The following MLYCD variants were observed in gnomAD, a reference collection of about 807,000 sequenced individuals.
MLYCD encodes malonyl-CoA decarboxylase, also known as malonyl-CoA decarboxylase, mitochondrial.
Under a neutral mutation model 35.8 loss-of-function variants are expected in MLYCD, and 27 were observed. The observed-to-expected ratio is 0.75, with a 90% CI of 0.56 to 1.04. The LOEUF is 1.04. Among genes scored for constraint, MLYCD ranks in the 50% least tolerant of loss-of-function variants. MLYCD has a pLI of 0.00. For missense variants in MLYCD, 917 were observed against 665.1 expected (o/e 1.38, Z -4.17); for synonymous variants, 403 against 302.4 (o/e 1.33, Z -3.45).
intron 1 of MLYCD, among the ~76,000 whole-genome samples, chr16:83,903,403 C>T (rs929183560): frequency 6.6e-6 from 1 of 152,186 alleles, no homozygotes; most frequent in Non-Finnish European, 1.5e-5. Flanking sequence ...TGTACACCTG[C>T]GGAGTGTCAG....
rs1907650680 is a variant in MLYCD, at chr16:83,921,430, GGA to G, written c.*5942_*5943del. ...ATGGAAGGAAGGAGGATGGATGGATGGATGGGTGGGTGGGTGGGTGGATGGAT... is the reference window on the plus strand; with the variant it reads ...ATGGAAGGAAGGAGGATGGATGGATGTGGGTGGGTGGGTGGGTGGATGGAT... On this transcript the variant is annotated 3_prime_UTR_variant, in exon 5 of 5. Coordinates refer to ENST00000262430, the MANE Select transcript of MLYCD (RefSeq NM_012213.3). 1 of 140,154 alleles carries G rather than the reference GGA, an allele frequency of 7.1e-6. No individual in the cohort carries two copies. Among genetic ancestry groups the G allele is most frequent in the Non-Finnish European group, 1.6e-5 (1 of 63,958 alleles). 8.7% of individuals were successfully genotyped at this position (140,154 alleles called of 1,614,324 possible). A position where few individuals can be genotyped will look rare whatever the true frequency, so the allele number is the denominator to read the frequency against.
rs12935377 is a variant in MLYCD at position 83,916,869 on chromosome 16, G to C, written c.*1380G>C. ...AGTGCACGTCTGTGTGCGTGTGCCC[G>C]AGCGTCTCTGTGTGGATCAGTGCAC... On this transcript the variant is annotated 3_prime_UTR_variant, in exon 5 of 5. Transcript: ENST00000262430. The C allele has an allele frequency of 1.8e-5, 2 of 110,702 alleles. No individual in the cohort carries two copies. Among genetic ancestry groups the C allele is most frequent in the African/African-American group, 6.7e-5 (2 of 30,062 alleles). 6.9% of individuals were successfully genotyped at this position (110,702 alleles called of 1,614,324 possible). A position where few individuals can be genotyped will look rare whatever the true frequency, so the allele number is the denominator to read the frequency against.
At position 83,915,138 on chromosome 16, in the gene MLYCD, C is replaced by G; in HGVS notation, c.1131C>G (p.Leu377=). 6.2e-7 allele frequency: 1 copy of G among 1,614,220 alleles called. No homozygotes were observed. Among genetic ancestry groups the G allele is most frequent in the African/African-American group, 1.3e-5 (1 of 75,076 alleles). The change falls in exon 5 of 5, where the codon CTC becomes CTG. Residue 377 remains leucine (L), a synonymous_variant. Transcript: ENST00000262430. ...TGGPINETLK[L]LLSSSEWVQS... is the part of the protein sequence containing the mutation. ...GCCCCATTAACGAGACCCTCAAGCT[C>G]CTCCTCAGCAGCAGCGAGTGGGTGC...
intron 1 of MLYCD, among the ~76,000 whole-genome samples, chr16:83,904,951 C>G (rs925946469): frequency 3.3e-5 from 5 of 152,218 alleles, no homozygotes; most frequent in African/African-American, 1.2e-4. Flanking sequence ...AATTTGTGGC[C>G]TCTTTCGTGC....
At chr16:83,910,465 G>A (rs557442194) in intron 3 of MLYCD, among the ~76,000 whole-genome samples, 2 of 151,980 alleles carry the variant, frequency 1.3e-5, no homozygotes, top group East Asian at 1.9e-4. Flanking sequence ...GGAGGCAGCC[G>A]GATCACCTGA....
At chr16:83,902,356 T>G (rs1277044964) in intron 1 of MLYCD, among the ~76,000 whole-genome samples, 1 of 151,224 alleles carries the variant, frequency 6.6e-6, no homozygotes, top group Non-Finnish European at 1.5e-5. Flanking sequence ...AGCCCAGATG[T>G]AATTTTTTTA....
chr16:83,912,089 C>A, intron 3 of MLYCD, 129 bp from the exon 4 acceptor site: 1 of 1,348,946 alleles, frequency 7.4e-7, no homozygotes, highest in South Asian at 1.2e-5. Context: ...TGAACCCCAG[C>A]TGGGGAGCCG....
chr16:83,920,376 G>GT lies in MLYCD; in HGVS notation c.*4889dup, dbSNP rs1907611193. On this transcript the variant is annotated 3_prime_UTR_variant, in exon 5 of 5. Coordinates refer to ENST00000262430, the MANE Select transcript of MLYCD (RefSeq NM_012213.3). ...AGGCTGAGGTCGCTGCCTGTGAACA[G>GT]TTGACAGACCTAAAGCCAGCCAGAA... 1 of 152,228 alleles carries GT rather than the reference G, an allele frequency of 6.6e-6. No individual in the cohort carries two copies. The highest frequency in any genetic ancestry group is 1.5e-5 in the Non-Finnish European group (1 of 68,048). 9.4% of individuals were successfully genotyped at this position (152,228 alleles called of 1,614,324 possible).
chr16:83,904,567 A>G (rs760037329), intron 1 of MLYCD, among the ~76,000 whole-genome samples: 1 of 152,150 alleles, frequency 6.6e-6, no homozygotes, highest in Non-Finnish European at 1.5e-5. Flanking sequence ...TTCATTTGAT[A>G]TCAATCTATT....
At chr16:83,908,640 C>T (rs1166025858) in intron 3 of MLYCD, among the ~76,000 whole-genome samples, 1 of 152,138 alleles carries the variant, frequency 6.6e-6, no homozygotes, top group African/African-American at 2.4e-5. Context: ...TTGTTAAATG[C>T]CTGTGGGGAG....
intron 3 of MLYCD, among the ~76,000 whole-genome samples, chr16:83,911,057 A>G (rs1437207830): frequency 1.3e-5 from 2 of 151,706 alleles, no homozygotes; most frequent in Non-Finnish European, 2.9e-5. Flanking sequence ...GCTCCCTGCA[A>G]CCTCCGCCTC....
At position 83,899,378 on chromosome 16, in the gene MLYCD, G is replaced by T; in HGVS notation, c.234G>T (p.Leu78=). The T allele has an allele frequency of 6.5e-7, 1 of 1,527,242 alleles. No homozygotes were observed. Among genetic ancestry groups the T allele is most frequent in the Non-Finnish European group, 8.7e-7 (1 of 1,146,328 alleles). 94.6% of individuals were successfully genotyped at this position (1,527,242 alleles called of 1,614,324 possible). A position where few individuals can be genotyped will look rare whatever the true frequency, so the allele number is the denominator to read the frequency against. ...ACTTCGTGAGCTTCTACGGTGGGCT[G>T]GCCGAGACGGCCCAGCGGGCCGAAC... ...CADFVSFYGG[L]AETAQRAELL... Residue 78 remains leucine, a synonymous_variant, in exon 1 of 5, where the codon CTG becomes CTT. Coordinates refer to ENST00000262430, the MANE Select transcript of MLYCD (RefSeq NM_012213.3).
At chr16:83,905,040 T>G (rs1241630552) in intron 1 of MLYCD, among the ~76,000 whole-genome samples, 1 of 152,154 alleles carries the variant, frequency 6.6e-6, no homozygotes, top group African/African-American at 2.4e-5. Context: ...AACCTGCAAC[T>G]CTTTCTCAGG....
rs1907689483 is a variant in MLYCD, at chr16:83,922,555, TG to T, written c.*7069del. 1 of 152,370 alleles carries T rather than the reference TG, an allele frequency of 6.6e-6. No homozygotes were observed. The highest frequency in any genetic ancestry group is 2.4e-5 in the African/African-American group (1 of 41,484). The allele number at this position is 152,370 out of a possible 1,614,324, so 9.4% of individuals were successfully genotyped here. A position where few individuals can be genotyped will look rare whatever the true frequency, so the allele number is the denominator to read the frequency against. ...AAATGCTGGCCCCACCACTTCCAGC[TG>T]GGTGGCCCAGGGCAAGCCACCTACC... is the stretch of plus-strand genomic sequence containing the variant. On this transcript the variant is annotated 3_prime_UTR_variant, in exon 5 of 5. Transcript: ENST00000262430.
intron 3 of MLYCD, among the ~76,000 whole-genome samples, chr16:83,909,542 C>G (rs1231902691): frequency 6.6e-6 from 1 of 151,614 alleles, no homozygotes; most frequent in Non-Finnish European, 1.5e-5. Flanking sequence ...TTGAGTAGTG[C>G]TCTGTGCCTG....
chr16:83,926,832 C>G lies in MLYCD; in HGVS notation c.*11343C>G, dbSNP rs972794091. Reference sequence around the variant, plus strand: ...TCGCAAGCGCTGTGCACCCCGTCGCCGCGAGATGGCGGTGTTGCGCCCCTC... The same window carrying G: ...TCGCAAGCGCTGTGCACCCCGTCGCGGCGAGATGGCGGTGTTGCGCCCCTC... On this transcript the variant is annotated 3_prime_UTR_variant, in exon 5 of 5. Transcript: ENST00000262430. The G allele has an allele frequency of 6.6e-6, 1 of 152,164 alleles. No individual in the cohort carries two copies. The highest frequency in any genetic ancestry group is 2.4e-5 in the African/African-American group (1 of 41,446). The allele number at this position is 152,164 out of a possible 1,614,324, so 9.4% of individuals were successfully genotyped here.
rs1172623393 is a variant in MLYCD, at chr16:83,918,040, TA to T, written c.*2552del. 3.3e-5 allele frequency: 5 copies of T among 152,232 alleles called. No individual in the cohort carries two copies. The highest frequency in any genetic ancestry group is 7.3e-5 in the Non-Finnish European group (5 of 68,040). 9.4% of individuals were successfully genotyped at this position (152,232 alleles called of 1,614,324 possible). On this transcript the variant is annotated 3_prime_UTR_variant, in exon 5 of 5. Transcript: ENST00000262430. ...CAGTCATCCCCAAGTCACTAGGAACTAGCACGCCTGAGGTAGGTCTCGGAAT... is the reference window on the plus strand; with the variant it reads ...CAGTCATCCCCAAGTCACTAGGAACTGCACGCCTGAGGTAGGTCTCGGAAT...
chr16:83,916,019 A>G lies in MLYCD; in HGVS notation c.*530A>G. The G allele has an allele frequency of 2.0e-6, 2 of 1,005,726 alleles. No homozygotes were observed. Among genetic ancestry groups the G allele is most frequent in the Non-Finnish European group, 2.4e-6 (2 of 840,334 alleles). The allele number at this position is 1,005,726 out of a possible 1,614,324, so 62.3% of individuals were successfully genotyped here. A position where few individuals can be genotyped will look rare whatever the true frequency, so the allele number is the denominator to read the frequency against. ...ATTCTGAAGCTCATAAATGTATGAG[A>G]AGGTTTGTGATTTTGCACAAGGTGT... On this transcript the variant is annotated 3_prime_UTR_variant, in exon 5 of 5. Transcript: ENST00000262430.
At chr16:83,912,079 T>C (rs1907198705) in intron 3 of MLYCD, 139 bp from the exon 4 acceptor site, 9 of 1,266,722 alleles carry the variant, frequency 7.1e-6, no homozygotes, top group East Asian at 2.3e-5. Flanking sequence ...CTCTGTAGCC[T>C]GAACCCCAGC....
Sources: gnomAD v4.1 joint callset for allele counts (sites outside exome capture counted in the v4.1 genomes callset) on GRCh38, gnomAD v4.1.1 for gene constraint, MANE v1.5 for transcripts, NCBI Gene and HGNC (gene_info 2026-07-23, HGNC 2026-07-21) for gene names.